AGPAT1: variants seen among roughly 807,000 people sequenced by gnomAD.
AGPAT1 encodes 1-acyl-sn-glycerol-3-phosphate acyltransferase alpha.
AGPAT1 carries 6 observed loss-of-function variants against 31.2 expected under a neutral mutation model. The ratio of observed to expected loss-of-function variants is 0.19; its 90% CI spans 0.11 to 0.38. AGPAT1 has a LOEUF of 0.38. Ranked by LOEUF, AGPAT1 falls within the 10% of genes least tolerant of loss-of-function variation. AGPAT1 has a pLI of 1.00. For missense variants in AGPAT1, 187 were observed against 377.8 expected (o/e 0.49, Z 4.19); for synonymous variants, 139 against 154.0 (o/e 0.90, Z 0.72).
Position 32,172,431 on chromosome 6 carries a change from T to C in AGPAT1, c.-9-926A>G, listed in dbSNP as rs184542461. 3.2e-4 allele frequency among the ~76,000 whole-genome samples: 49 copies of C among 152,338 alleles called. 1 individual carries two copies. In the East Asian group the frequency reaches 5.0e-3, roughly 16 times the overall value. On this transcript the variant is annotated intron_variant, in intron 1 of 6. Coordinates refer to ENST00000375107, the MANE Select transcript of AGPAT1 (RefSeq NM_006411.4). This position sits in a 1 kb window ranked among gnomAD's most constrained non-coding sequence, Gnocchi z 4.3. ...ATGTGGCTACCATAAAAAAATTACATTGTGGCTTGCATTATATTTCTGTAG... is the reference window on the plus strand; with the variant it reads ...ATGTGGCTACCATAAAAAAATTACACTGTGGCTTGCATTATATTTCTGTAG...
Position 32,171,729 on chromosome 6 carries a change from G to A in AGPAT1, c.-9-224C>T, listed in dbSNP as rs1582665698. The A allele has an allele frequency of 1.7e-6, 1 of 605,808 alleles. No homozygotes were observed. The highest frequency in any genetic ancestry group is 1.9e-5 in the African/African-American group (1 of 54,000). The allele number at this position is 605,808 out of a possible 1,614,324, so 37.5% of individuals were successfully genotyped here. A position where few individuals can be genotyped will look rare whatever the true frequency, so the allele number is the denominator to read the frequency against. ...CCCACCACTCTTCCCAAAGGCTCCG[G>A]ATATATTCAGACAAGAGACACAAGA... On this transcript the variant is annotated intron_variant, in intron 1 of 6. Coordinates refer to ENST00000375107, the MANE Select transcript of AGPAT1 (RefSeq NM_006411.4). The surrounding 1 kb of genome is among the most constrained non-coding windows in gnomAD (Gnocchi z 6.9).
At position 32,175,549 on chromosome 6, in the gene AGPAT1, C is replaced by T. The variant is rs1785465539; in HGVS notation, c.-10+265G>A. Among the ~76,000 whole-genome samples, 1 of 151,914 alleles carries T rather than the reference C, an allele frequency of 6.6e-6. No individual in the cohort carries two copies. The highest frequency in any genetic ancestry group is 2.4e-5 in the African/African-American group (1 of 41,314). On this transcript the variant is annotated intron_variant, in intron 1 of 6. Transcript: ENST00000375107. The surrounding 1 kb of genome is among the most constrained non-coding windows in gnomAD (Gnocchi z 4.5). The stretch of plus-strand genomic sequence containing the variant: ...GAATTGGGGAAGGTGTAGGGAATTC[C>T]CTCTCCAGGATTCCCTGTGCACGCT...
upstream of AGPAT1, chr6:32,176,102 C>A: frequency 1.0e-6 from 1 of 985,552 alleles, no homozygotes; most frequent in Non-Finnish European, 1.2e-6. Context: ...CGCCACCCCT[C>A]CCCAACGCCT....
At chr6:32,176,592 T>A, upstream of AGPAT1, 1 of 938,248 alleles carries the variant, frequency 1.1e-6, no homozygotes, top group Non-Finnish European at 1.3e-6. Context: ...AGTCCTCTGG[T>A]CTGGTTTCCT....
rs1179903813 is a variant in AGPAT1 at position 32,172,597 on chromosome 6, C to T, written c.-9-1092G>A. On this transcript the variant is annotated intron_variant, in intron 1 of 6. Transcript: ENST00000375107. This position sits in a 1 kb window ranked among gnomAD's most constrained non-coding sequence, Gnocchi z 4.3. ...TACCTGAGGTCATACAGCTCCTAAA[C>T]AGCAGTTTCTAGGTTAAATCTAAGC... Among the ~76,000 whole-genome samples, 1 of 152,196 alleles carries T rather than the reference C, an allele frequency of 6.6e-6. No homozygotes were observed. Among genetic ancestry groups the T allele is most frequent in the Non-Finnish European group, 1.5e-5 (1 of 68,038 alleles).
Position 32,171,518 on chromosome 6 carries a change from G to C in AGPAT1, c.-9-13C>G. On this transcript the variant is annotated splice_polypyrimidine_tract_variant and intron_variant, in intron 1 of 6. Transcript: ENST00000375107. The surrounding 1 kb of genome is among the most constrained non-coding windows in gnomAD (Gnocchi z 6.9). ...CCATTCTGGCCACCTGCAGGGGATG[G>C]GGCAAGGGACAATCAGCCTGGTTTC... The C allele has an allele frequency of 6.4e-7, 1 of 1,556,420 alleles. No homozygotes were observed. Among genetic ancestry groups the C allele is most frequent in the Non-Finnish European group, 8.7e-7 (1 of 1,154,080 alleles).
chr6:32,169,050 T>G lies in AGPAT1; in HGVS notation c.*226A>C. 2.9e-5 allele frequency: 16 copies of G among 547,190 alleles called. No individual in the cohort carries two copies. The highest frequency in any genetic ancestry group is 1.1e-4 in the South Asian group (4 of 37,258). 33.9% of individuals were successfully genotyped at this position (547,190 alleles called of 1,614,324 possible). On this transcript the variant is annotated 3_prime_UTR_variant, in exon 7 of 7. Transcript: ENST00000375107. The surrounding 1 kb of genome is among the most constrained non-coding windows in gnomAD (Gnocchi z 5.9). ...CAGACAAGACAGTAGGAGGTGGGGG[T>G]CAAGAGTGGAGACTGCACCGAGGCA...
upstream of AGPAT1, chr6:32,176,436 TC>T: frequency 1.1e-6 from 1 of 940,140 alleles, no homozygotes; most frequent in Non-Finnish European, 1.3e-6. Context: ...TGCTGCTTAT[TC>T]CCCCCAACTA....
chr6:32,176,351 C>T (rs538868383), upstream of AGPAT1, among the ~76,000 whole-genome samples: 161 of 152,200 alleles, frequency 1.1e-3, no homozygotes, highest in Middle Eastern at 3.4e-3. Flanking sequence ...CCGCACATTC[C>T]TTCCTTTATT....
rs1200984848 is a variant in AGPAT1, at chr6:32,170,720, A to C, written c.335-120T>G. ...CTGGAGGTGAAGGAGGAGACTAGGC[A>C]GGGAGGGGGGCCCCAAGTGAAGGAA... On this transcript the variant is annotated intron_variant, in intron 3 of 6. Coordinates refer to ENST00000375107, the MANE Select transcript of AGPAT1 (RefSeq NM_006411.4). The surrounding 1 kb of genome is among the most constrained non-coding windows in gnomAD (Gnocchi z 7.7). 1 of 1,383,794 alleles carries C rather than the reference A, an allele frequency of 7.2e-7. No homozygotes were observed. The highest frequency in any genetic ancestry group is 1.4e-5 in the African/African-American group (1 of 70,760). The allele number at this position is 1,383,794 out of a possible 1,614,324, so 85.7% of individuals were successfully genotyped here.
rs947004145 is a variant in AGPAT1, at chr6:32,172,518, G to A, written c.-9-1013C>T. 6.6e-6 allele frequency among the ~76,000 whole-genome samples: 1 copy of A among 152,126 alleles called. No homozygotes were observed. ...AATGATGCATATGATAGTCTAGAAA[G>A]TACTATTACTATTTACATTTTATAG... On this transcript the variant is annotated intron_variant, in intron 1 of 6. Transcript: ENST00000375107. The surrounding 1 kb of genome is among the most constrained non-coding windows in gnomAD (Gnocchi z 4.3).
upstream of AGPAT1, chr6:32,176,185 A>G: frequency 1.0e-6 from 1 of 976,448 alleles, no homozygotes; most frequent in Non-Finnish European, 1.2e-6. Context: ...TCTCCCAGAA[A>G]CTCTGGCATC....
chr6:32,173,809 G>A lies in AGPAT1; in HGVS notation c.-10+2005C>T, dbSNP rs1036235877. On this transcript the variant is annotated intron_variant, in intron 1 of 6. Coordinates refer to ENST00000375107, the MANE Select transcript of AGPAT1 (RefSeq NM_006411.4). This position sits in a 1 kb window ranked among gnomAD's most constrained non-coding sequence, Gnocchi z 4.7. Reference sequence around the variant, plus strand: ...CCTTACACTTTTATCTTGATCAGCGGGTCTCGAAGTATAGAAATGCAAATT... The same window carrying A: ...CCTTACACTTTTATCTTGATCAGCGAGTCTCGAAGTATAGAAATGCAAATT... Among the ~76,000 whole-genome samples, 1 of 152,044 alleles carries A rather than the reference G, an allele frequency of 6.6e-6. No homozygotes were observed. The highest frequency in any genetic ancestry group is 1.5e-5 in the Non-Finnish European group (1 of 68,032).
At chr6:32,176,270 G>A, upstream of AGPAT1, 28 of 571,132 alleles carry the variant, frequency 4.9e-5, no homozygotes, top group Non-Finnish European at 6.2e-5. Flanking sequence ...CCCCATCTCT[G>A]GCTCCAGCTG....
rs1302668402 is a variant in AGPAT1, at chr6:32,170,797, G to A, written c.334+140C>T. The A allele has an allele frequency of 4.6e-6, 6 of 1,294,460 alleles. No individual in the cohort carries two copies. The highest frequency in any genetic ancestry group is 2.3e-5 in the East Asian group (1 of 43,054). The allele number at this position is 1,294,460 out of a possible 1,614,324, so 80.2% of individuals were successfully genotyped here. On this transcript the variant is annotated intron_variant, in intron 3 of 6. Coordinates refer to ENST00000375107, the MANE Select transcript of AGPAT1 (RefSeq NM_006411.4). This position sits in a 1 kb window ranked among gnomAD's most constrained non-coding sequence, Gnocchi z 7.7. Reference sequence around the variant, plus strand: ...GCTTATGAGGGCAGTTCTACCCAGGGAATGAAGGCCTGAGTGGGAGGCAAG... The same window carrying A: ...GCTTATGAGGGCAGTTCTACCCAGGAAATGAAGGCCTGAGTGGGAGGCAAG...
In AGPAT1 at chr6:32,170,894, G is replaced by A. The variant is rs767060478; in HGVS notation, c.334+43C>T. The A allele has an allele frequency of 6.3e-7, 1 of 1,589,052 alleles. No individual in the cohort carries two copies. Among genetic ancestry groups the A allele is most frequent in the East Asian group, 2.3e-5 (1 of 44,410 alleles). ...ATATTCTAGGGAAGGTTTCAGGAGG[G>A]GAGGCATGGCTGGGGGAGGTGTGCC... On this transcript the variant is annotated intron_variant, in intron 3 of 6. Transcript: ENST00000375107. The surrounding 1 kb of genome is among the most constrained non-coding windows in gnomAD (Gnocchi z 7.7).
At position 32,173,807 on chromosome 6, in the gene AGPAT1, C is replaced by A. The variant is rs1191866414; in HGVS notation, c.-10+2007G>T. Reference sequence around the variant, plus strand: ...TTCCTTACACTTTTATCTTGATCAGCGGGTCTCGAAGTATAGAAATGCAAA... The same window carrying A: ...TTCCTTACACTTTTATCTTGATCAGAGGGTCTCGAAGTATAGAAATGCAAA... On this transcript the variant is annotated intron_variant, in intron 1 of 6. Coordinates refer to ENST00000375107, the MANE Select transcript of AGPAT1 (RefSeq NM_006411.4). This position sits in a 1 kb window ranked among gnomAD's most constrained non-coding sequence, Gnocchi z 4.7. Among the ~76,000 whole-genome samples the A allele has an allele frequency of 6.6e-6, 1 of 152,174 alleles. No homozygotes were observed. Among genetic ancestry groups the A allele is most frequent in the East Asian group, 1.9e-4 (1 of 5,204 alleles).
At chr6:32,176,736 C>A, upstream of AGPAT1, 1 of 303,038 alleles carries the variant, frequency 3.3e-6, no homozygotes, top group East Asian at 5.1e-5. Context: ...TACCTCTGTA[C>A]CTTTTCTTTC....
In AGPAT1 at chr6:32,173,970, C is replaced by T. The variant is rs1446956634; in HGVS notation, c.-10+1844G>A. On this transcript the variant is annotated intron_variant, in intron 1 of 6. Coordinates refer to ENST00000375107, the MANE Select transcript of AGPAT1 (RefSeq NM_006411.4). This position sits in a 1 kb window ranked among gnomAD's most constrained non-coding sequence, Gnocchi z 4.7. ...CACGCGATCCTCCTGCCTCAGCCTT[C>T]CAAACTGTTGGGATTACAGGTGTGA... 1.3e-5 allele frequency among the ~76,000 whole-genome samples: 2 copies of T among 152,184 alleles called. No individual in the cohort carries two copies. Among genetic ancestry groups the T allele is most frequent in the Non-Finnish European group, 2.9e-5 (2 of 68,036 alleles).
Sources: allele counts gnomAD v4.1 joint callset (sites outside exome capture counted in the v4.1 genomes callset), GRCh38; gene constraint gnomAD v4.1.1; non-coding constraint Gnocchi (gnomAD v3.1); transcripts MANE v1.5; gene names NCBI Gene and HGNC (gene_info 2026-07-23, HGNC 2026-07-21).